The following AUTS2 variants were observed in gnomAD, a reference collection of about 807,000 sequenced individuals.
AUTS2 encodes the protein activator of transcription and developmental regulator AUTS2, also known as autism susceptibility gene 2 protein.
AUTS2 carries 17 observed loss-of-function variants against 112.4 expected under a neutral mutation model. The observed-to-expected ratio is 0.15, with a 90% CI of 0.10 to 0.23. The LOEUF (loss-of-function observed/expected upper bound fraction) is 0.23. AUTS2 is among the 10% of genes least tolerant of loss of function. The probability of loss-of-function intolerance (pLI) is 1.00; values close to 1 mark genes in which losing one functional copy is unlikely to be tolerated. For missense variants in AUTS2, 1,510 were observed against 1,701.6 expected (o/e 0.89, Z 1.98); for synonymous variants, 751 against 702.7 (o/e 1.07, Z -1.09).
At chr7:69,926,445 GTCTATCTATCTATCTATCTA>G (rs10677736) in intron 2 of AUTS2, among the ~76,000 whole-genome samples, 7 of 123,198 alleles carry the variant, frequency 5.7e-5, no homozygotes, top group South Asian at 2.7e-4. Context: ...CTGTCTGTCT[GTCTATCTATCTATCTATCTA>G]TCTATCTATC....
At chr7:70,442,329 G>A (rs571757623) in intron 5 of AUTS2, among the ~76,000 whole-genome samples, 6 of 152,138 alleles carry the variant, frequency 3.9e-5, no homozygotes, top group Non-Finnish European at 7.4e-5. Context: ...TCATACAGTC[G>A]CAATGTCTAC....
At chr7:70,263,963 G>T (rs562526871) in intron 4 of AUTS2, among the ~76,000 whole-genome samples, 1 of 152,122 alleles carries the variant, frequency 6.6e-6, no homozygotes, top group South Asian at 2.1e-4. Context: ...GGAAGTTACC[G>T]GGGGGTCATG....
intron 5 of AUTS2, among the ~76,000 whole-genome samples, chr7:70,474,892 A>C (rs1234292801): frequency 6.6e-6 from 1 of 152,200 alleles, no homozygotes; most frequent in Non-Finnish European, 1.5e-5. Flanking sequence ...CCCTGGGTTT[A>C]GGTCTGGCTC....
chr7:70,402,990 T>C (rs1794388949), intron 4 of AUTS2, among the ~76,000 whole-genome samples: 1 of 152,196 alleles, frequency 6.6e-6, no homozygotes, highest in South Asian at 2.1e-4. Flanking sequence ...AATAATGTTA[T>C]AGCTGGAAGG....
chr7:70,635,080 G>A (rs966388133), intron 5 of AUTS2, among the ~76,000 whole-genome samples: 1 of 152,156 alleles, frequency 6.6e-6, no homozygotes, highest in Admixed American at 6.5e-5. Flanking sequence ...AAGAACCAGA[G>A]TACCGAGTGC....
At chr7:69,888,334 C>A (rs1400659860) in intron 1 of AUTS2, among the ~76,000 whole-genome samples, 1 of 151,150 alleles carries the variant, frequency 6.6e-6, no homozygotes, top group African/African-American at 2.4e-5. Context: ...TCAGTGTGTG[C>A]AGAGGTCGCA....
intron 2 of AUTS2, among the ~76,000 whole-genome samples, chr7:70,092,133 CAT>C (rs1232363426): frequency 1.7e-5 from 2 of 118,914 alleles, no homozygotes; most frequent in East Asian, 5.2e-4. Flanking sequence ...ATTTAAAAAA[CAT>C]AATCTCACCA....
intron 1 of AUTS2, among the ~76,000 whole-genome samples, chr7:69,803,621 C>T (rs1002206827): frequency 6.6e-6 from 1 of 152,184 alleles, no homozygotes; most frequent in Admixed American, 6.5e-5. Flanking sequence ...CCCATACAGT[C>T]AGTACCAGCT....
At chr7:70,456,453 A>G (rs1174752640) in intron 5 of AUTS2, among the ~76,000 whole-genome samples, 1 of 152,258 alleles carries the variant, frequency 6.6e-6, no homozygotes, top group Non-Finnish European at 1.5e-5. Flanking sequence ...GTTGTCATTT[A>G]GCATTAATTA....
In AUTS2 at chr7:69,599,883, G is replaced by T; in HGVS notation, c.230G>T (p.Arg77Leu). Reference protein sequence around the residue: ...PSRPRPPRRKRRESTSAEEDI... With the variant: ...PSRPRPPRRKLRESTSAEEDI... ...CGGCCCAGACCCCCGCGGAGGAAGC[G>T]GAGAGAGTCCACCTCGGCAGAAGAG... Residue 77 changes from arginine (R) to leucine (L), a missense_variant, in exon 1 of 19, where the codon CGG becomes CTG. By Grantham distance (102) the Arg-to-Leu change is moderately radical (BLOSUM62 -2). Around this residue, in one of 3 missense-constraint regions of AUTS2, gnomAD observed 535 missense variants for 594.3 expected, o/e 0.90. Transcript: ENST00000342771. The surrounding 1 kb of genome is among the most constrained non-coding windows in gnomAD (Gnocchi z 7.0). The T allele has an allele frequency of 6.2e-7, 1 of 1,613,440 alleles. No individual in the cohort carries two copies. Among genetic ancestry groups the T allele is most frequent in the Non-Finnish European group, 8.5e-7 (1 of 1,179,936 alleles).
intron 4 of AUTS2, among the ~76,000 whole-genome samples, chr7:70,280,485 A>C: frequency 7.0e-6 from 1 of 143,754 alleles, no homozygotes. Context: ...TTTAGCAGAG[A>C]CAGGGTTTCA....
At chr7:70,457,821 T>G (rs1182397260) in intron 5 of AUTS2, among the ~76,000 whole-genome samples, 1 of 152,214 alleles carries the variant, frequency 6.6e-6, no homozygotes, top group African/African-American at 2.4e-5. Context: ...TCTCTGATGA[T>G]TAAAAGGCCC....
chr7:70,538,540 A>G (rs1367452167), intron 5 of AUTS2, among the ~76,000 whole-genome samples: 2 of 152,252 alleles, frequency 1.3e-5, no homozygotes, highest in East Asian at 3.9e-4. Context: ...AAAAAAAGAA[A>G]GAGAGAGAGA....
rs569902497 is a variant in AUTS2, at chr7:70,589,115, C to G, written c.691-109454C>G. On this transcript the variant is annotated intron_variant, in intron 5 of 18. Transcript: ENST00000342771. ...AGCAACCGTAAAAAGCGGCCAGTCA[C>G]ACAGTGGGGGCCCTTTCCCTAGCAC... Among the ~76,000 whole-genome samples, 37 of 152,372 alleles carry G rather than the reference C, an allele frequency of 2.4e-4. 1 individual carries two copies. The highest frequency in any genetic ancestry group is 1.9e-3 in the Admixed American group (29 of 15,306).
chr7:69,841,891 A>G (rs1791996339), intron 1 of AUTS2, among the ~76,000 whole-genome samples: 1 of 152,166 alleles, frequency 6.6e-6, no homozygotes, highest in South Asian at 2.1e-4. Flanking sequence ...TATTCTTAGG[A>G]GTTGCTTATT....
chr7:70,183,210 A>G (rs1443145394), intron 4 of AUTS2, among the ~76,000 whole-genome samples: 3 of 152,138 alleles, frequency 2.0e-5, no homozygotes, highest in Non-Finnish European at 4.4e-5. Flanking sequence ...AGAAAAAAAA[A>G]TCCTCAAGTC....
At chr7:69,950,741 G>A (rs144842039) in intron 2 of AUTS2, among the ~76,000 whole-genome samples, 2 of 152,140 alleles carry the variant, frequency 1.3e-5, no homozygotes, top group Non-Finnish European at 2.9e-5. Context: ...TTCTAGGAGT[G>A]TGAATAAAGA....
intron 5 of AUTS2, among the ~76,000 whole-genome samples, chr7:70,589,577 G>C (rs62455834): frequency 6.6e-6 from 1 of 152,006 alleles, no homozygotes. Flanking sequence ...AGCGGGATGC[G>C]GTGGCAGACG....
chr7:70,708,392 C>T (rs1222859491), intron 6 of AUTS2, among the ~76,000 whole-genome samples: 1 of 152,066 alleles, frequency 6.6e-6, no homozygotes, highest in African/African-American at 2.4e-5. Context: ...TCCATTGATT[C>T]GTTCAATTGG....
Sources: allele counts gnomAD v4.1 joint callset (sites outside exome capture counted in the v4.1 genomes callset), GRCh38; gene constraint gnomAD v4.1.1; regional missense constraint gnomAD v4.1.1; non-coding constraint Gnocchi (gnomAD v3.1); transcripts MANE v1.5; gene names NCBI Gene and HGNC (gene_info 2026-07-23, HGNC 2026-07-21).